Variants in KIFC3 observed in about 807,000 individuals in gnomAD.
The protein encoded by KIFC3 is kinesin-like protein KIFC3.
A neutral mutation model predicts 101.8 loss-of-function variants in KIFC3; 60 were observed. That is an observed-to-expected ratio of 0.59 (90% CI 0.48 to 0.73). The LOEUF is 0.73. Ranked by LOEUF, KIFC3 falls within the 30% of genes least tolerant of loss-of-function variation. The pLI, the probability that KIFC3 is intolerant of heterozygous loss-of-function variation, is 0.00. For synonymous variants in KIFC3, 476 were observed against 482.7 expected (o/e 0.99, Z 0.18); for missense variants, 966 against 1,137.1 (o/e 0.85, Z 2.16).
At chr16:57,775,248 AG>A in intron 3 of KIFC3, 3 of 1,313,464 alleles carry the variant, frequency 2.3e-6, no homozygotes, top group Non-Finnish European at 2.9e-6. Flanking sequence ...GAGTTGAGGA[AG>A]GGGCTCTAAA....
chr16:57,791,316 C>T (rs1231931371), intron 3 of KIFC3, among the ~76,000 whole-genome samples: 2 of 152,246 alleles, frequency 1.3e-5, no homozygotes, highest in Non-Finnish European at 2.9e-5. Flanking sequence ...GCTTGTGAGC[C>T]ATGGCGGCAA....
intron 11 of KIFC3, among the ~76,000 whole-genome samples, chr16:57,764,784 TG>T (rs2148886620): frequency 7.2e-6 from 1 of 139,668 alleles, no homozygotes; most frequent in South Asian, 2.2e-4. Context: ...ATGGGGAAGA[TG>T]GGCAGGGTCA....
intron 3 of KIFC3, among the ~76,000 whole-genome samples, chr16:57,788,248 C>A (rs1365072698): frequency 1.3e-5 from 2 of 152,202 alleles, no homozygotes; most frequent in Non-Finnish European, 2.9e-5. Flanking sequence ...GGCTGCCACC[C>A]TCGCCCTGCT....
chr16:57,814,445 G>C (rs1400357778), intron 1 of KIFC3, among the ~76,000 whole-genome samples: 4 of 152,108 alleles, frequency 2.6e-5, no homozygotes, highest in African/African-American at 9.7e-5. Flanking sequence ...CTGAGCCTCA[G>C]TTTCCTCATT....
intron 1 of KIFC3, among the ~76,000 whole-genome samples, chr16:57,828,818 C>A (rs1226030112): frequency 6.6e-6 from 1 of 152,110 alleles, no homozygotes; most frequent in Admixed American, 6.6e-5. Context: ...CACGCACAAG[C>A]CCCTCACCCC....
intron 1 of KIFC3, chr16:57,816,880 C>T: frequency 2.5e-6 from 1 of 392,818 alleles, no homozygotes; most frequent in Non-Finnish European, 5.0e-6. Context: ...AAATCTGTGG[C>T]CATCACAACC....
chr16:57,823,290 T>C (rs1254596512), intron 1 of KIFC3, among the ~76,000 whole-genome samples: 3 of 152,218 alleles, frequency 2.0e-5, no homozygotes, highest in Admixed American at 6.5e-5. Context: ...TGGAAGCCCC[T>C]GCTTTGAGTT....
At chr16:57,779,379 G>A (rs782639817) in intron 3 of KIFC3, 6 of 152,158 alleles carry the variant, frequency 3.9e-5, no homozygotes, top group African/African-American at 1.4e-4. Context: ...TCAAACCCAC[G>A]GAGACAGATG....
chr16:57,842,844 T>C (rs1042678126), intron 1 of KIFC3, among the ~76,000 whole-genome samples: 7 of 152,062 alleles, frequency 4.6e-5, no homozygotes, highest in African/African-American at 1.7e-4. Context: ...ATAAATATCA[T>C]AGAGCAGCCG....
chr16:57,767,914 GCTC>G (rs2050672532), intron 9 of KIFC3, among the ~76,000 whole-genome samples: 1 of 152,120 alleles, frequency 6.6e-6, no homozygotes, highest in Non-Finnish European at 1.5e-5. Context: ...GGGCTCAAGT[GCTC>G]CTCCTGCCTC....
intron 1 of KIFC3, among the ~76,000 whole-genome samples, chr16:57,848,793 G>A (rs1180489530): frequency 6.6e-6 from 1 of 152,108 alleles, no homozygotes; most frequent in Non-Finnish European, 1.5e-5. Context: ...CCACCTTCAG[G>A]CAGCCATAAC....
At position 57,771,755 on chromosome 16, in the gene KIFC3, G is replaced by A. The variant is rs908843807; in HGVS notation, c.382-69C>T. ...ATGACGGGGGAAAGAAGAGAGGCCC[G>A]CGGAGATGGCACAAGGGCAGGGAAG... On this transcript the variant is annotated intron_variant, in intron 4 of 19. Coordinates refer to ENST00000445690, the MANE Select transcript of KIFC3 (RefSeq NM_001130100.2). 5.6e-5 allele frequency: 86 copies of A among 1,527,022 alleles called. 1 individual carries two copies. Among genetic ancestry groups the A allele is most frequent in the South Asian group, 2.1e-4 (17 of 82,114 alleles). 94.6% of individuals were successfully genotyped at this position (1,527,022 alleles called of 1,614,324 possible).
Position 57,761,184 on chromosome 16 carries a change from G to A in KIFC3, c.1873-13C>T. The stretch of plus-strand genomic sequence containing the variant: ...CAAACTCAAACACCTGGGGGATTGG[G>A]AGGAGGGCAGAGGCACAGCGTTGAG... On this transcript the variant is annotated splice_polypyrimidine_tract_variant and intron_variant, in intron 14 of 19. Transcript: ENST00000445690. 1.2e-6 allele frequency: 2 copies of A among 1,613,138 alleles called. No homozygotes were observed. The highest frequency in any genetic ancestry group is 1.7e-4 in the Middle Eastern group (1 of 5,864).
At chr16:57,776,987 T>C (rs1405907290) in intron 3 of KIFC3, 3 of 152,184 alleles carry the variant, frequency 2.0e-5, no homozygotes, top group African/African-American at 2.4e-5. Context: ...CAATTAGAAC[T>C]AATAAATTCA....
rs2149218995 is a variant in KIFC3, at chr16:57,798,192, C to G, written c.52G>C (p.Gly18Arg). ...GGGGCCCGGCCCACTCTCCACAGGC[C>G]CCGCAGCGAGGGCGTGGCTCCCAGG... The part of the protein sequence containing the change: ...WNLGATPSLR[G>R]LWRVGRAPEP... The change falls in exon 2 of 20, where the codon GGC becomes CGC. Residue 18 changes from glycine to arginine, a missense_variant. Physicochemically the swap from Gly to Arg is moderately radical, Grantham distance 125. Coordinates refer to ENST00000445690, the MANE Select transcript of KIFC3 (RefSeq NM_001130100.2). 6.5e-7 allele frequency: 1 copy of G among 1,543,904 alleles called. No individual in the cohort carries two copies. The highest frequency in any genetic ancestry group is 2.0e-5 in the Admixed American group (1 of 50,510).
intron 3 of KIFC3, chr16:57,779,813 A>C (rs1421635530): frequency 1.3e-5 from 2 of 152,102 alleles, no homozygotes; most frequent in Non-Finnish European, 2.9e-5. Context: ...CCATCTCAAA[A>C]AATAAAAATA....
intron 1 of KIFC3, among the ~76,000 whole-genome samples, chr16:57,839,144 G>A (rs2055754564): frequency 6.6e-6 from 1 of 152,040 alleles, no homozygotes; most frequent in Non-Finnish European, 1.5e-5. Flanking sequence ...AGTGAGTTAT[G>A]ATCAAGCCAC....
chr16:57,758,359 G>A lies in KIFC3; in HGVS notation c.*575C>T. 1 of 276,442 alleles carries A rather than the reference G, an allele frequency of 3.6e-6. No individual in the cohort carries two copies. The highest frequency in any genetic ancestry group is 7.1e-6 in the Non-Finnish European group (1 of 141,190). 17.1% of individuals were successfully genotyped at this position (276,442 alleles called of 1,614,324 possible). ...GAGCAGCAGAATCCCCCACCCGCTGGCTGCCTCTGCCAGCCATAAACACAG... is the reference window on the plus strand; with the variant it reads ...GAGCAGCAGAATCCCCCACCCGCTGACTGCCTCTGCCAGCCATAAACACAG... On this transcript the variant is annotated 3_prime_UTR_variant, in exon 20 of 20. Coordinates refer to ENST00000445690, the MANE Select transcript of KIFC3 (RefSeq NM_001130100.2).
chr16:57,772,225 G>C lies in KIFC3; in HGVS notation c.379C>G (p.Leu127Val). Residue 127 changes from leucine (L) to valine (V), a missense_variant and splice_region_variant, in exon 4 of 20, where the codon CTG becomes GTG. Leu to Val is a conservative substitution (Grantham distance 32, BLOSUM62 1). This residue lies in a region of KIFC3 where 277 missense variants were observed against 252.5 expected (regional missense o/e 1.10). Transcript: ENST00000445690. ...AQEVSRLRSE[L>V]GGTDLEKHRD... The stretch of plus-strand genomic sequence containing the variant: ...CCAGGACAGCCTTGTGGCCTCACCA[G>C]CTCAGATCGCAGTCGGCTCACTTCC... 10 of 1,613,316 alleles carry C rather than the reference G, an allele frequency of 6.2e-6. No homozygotes were observed. The highest frequency in any genetic ancestry group is 8.5e-6 in the Non-Finnish European group (10 of 1,179,728).
Sources: allele counts gnomAD v4.1 joint callset (sites outside exome capture counted in the v4.1 genomes callset), GRCh38; gene constraint gnomAD v4.1.1; regional missense constraint gnomAD v4.1.1; transcripts MANE v1.5; gene names NCBI Gene and HGNC (gene_info 2026-07-23, HGNC 2026-07-21).